Variants in PCDHA4 observed in about 807,000 individuals in gnomAD.
The protein encoded by PCDHA4 is protocadherin alpha-4.
In PCDHA4, 49 loss-of-function variants were observed where a neutral mutation model predicts 61.4. The ratio of observed to expected loss-of-function variants is 0.80; its 90% CI spans 0.63 to 1.01. The LOEUF (loss-of-function observed/expected upper bound fraction) is 1.01, where lower values mean the gene tolerates loss of function less well. Among genes scored for constraint, PCDHA4 ranks in the 50% least tolerant of loss-of-function variants. PCDHA4 has a pLI of 0.00. For missense variants in PCDHA4, 1,254 were observed against 1,235.8 expected (o/e 1.01, Z -0.22); for synonymous variants, 590 against 550.3 (o/e 1.07, Z -1.01).
intron 1 of PCDHA4, among the ~76,000 whole-genome samples, chr5:140,901,408 T>A (rs2068650771): frequency 6.6e-6 from 1 of 152,190 alleles, no homozygotes; most frequent in African/African-American, 2.4e-5. Flanking sequence ...GAGATAGGGG[T>A]CTAGTTTCAT....
chr5:140,885,485 T>C (rs2060611651), intron 1 of PCDHA4, among the ~76,000 whole-genome samples: 1 of 152,188 alleles, frequency 6.6e-6, no homozygotes, highest in Non-Finnish European at 1.5e-5. Context: ...GTGTCAAGTG[T>C]TCTGTTATCT....
chr5:140,850,784 TAAG>T, intron 1 of PCDHA4: 1 of 1,597,982 alleles, frequency 6.3e-7, no homozygotes, highest in Non-Finnish European at 8.6e-7. Flanking sequence ...CTGGCGAGGG[TAAG>T]CAGAAGACCG....
At chr5:140,841,121 A>G in intron 1 of PCDHA4, 1 of 638,688 alleles carries the variant, frequency 1.6e-6, no homozygotes, top group Non-Finnish European at 2.6e-6. Flanking sequence ...TCATGTAATC[A>G]TTACCTTTTG....
At chr5:140,871,344 G>T in intron 1 of PCDHA4, 1 of 1,614,200 alleles carries the variant, frequency 6.2e-7, no homozygotes, top group Non-Finnish European at 8.5e-7. Context: ...TGGGGAGCTG[G>T]TCATACTCGC....
chr5:141,006,948 A>G (rs1432589918), intron 3 of PCDHA4, among the ~76,000 whole-genome samples: 3 of 152,194 alleles, frequency 2.0e-5, no homozygotes, highest in African/African-American at 7.2e-5. Flanking sequence ...CCAGATAGGC[A>G]GTTATACATG....
intron 1 of PCDHA4, among the ~76,000 whole-genome samples, chr5:140,817,764 A>G (rs1022803136): frequency 6.6e-6 from 1 of 152,208 alleles, no homozygotes; most frequent in African/African-American, 2.4e-5. Context: ...GAAGAAATTA[A>G]CATTTCCTTT....
intron 1 of PCDHA4, chr5:140,927,429 C>T: frequency 6.2e-7 from 1 of 1,614,118 alleles, no homozygotes; most frequent in Non-Finnish European, 8.5e-7. Flanking sequence ...GGGTTGACGG[C>T]AGCGAATACC....
rs1554162489 is a variant in PCDHA4 at position 140,869,104 on chromosome 5, A to G, written c.2385+59532A>G. 2.5e-6 allele frequency: 4 copies of G among 1,601,646 alleles called. No individual in the cohort carries two copies. In the Admixed American group the frequency reaches 5.1e-5, roughly 21 times the overall value. On this transcript the variant is annotated intron_variant, in intron 1 of 3. Coordinates refer to ENST00000530339, the MANE Select transcript of PCDHA4 (RefSeq NM_018907.4). ...ATTTTGGAAGCCAATTTCGTATGCG[A>G]TGTTTGGTTTTCAGAGAAGGGGATT... is the stretch of plus-strand genomic sequence containing the variant.
intron 1 of PCDHA4, chr5:140,852,164 G>A (rs1176947336): frequency 2.4e-6 from 2 of 829,782 alleles, no homozygotes; most frequent in Non-Finnish European, 3.0e-6. Context: ...TGAGAATAGA[G>A]CCACAAAAAT....
intron 1 of PCDHA4, among the ~76,000 whole-genome samples, chr5:140,950,128 A>T (rs1488144119): frequency 6.6e-6 from 1 of 151,920 alleles, no homozygotes; most frequent in Non-Finnish European, 1.5e-5. Flanking sequence ...AACCCACAAG[A>T]CACAGTTATA....
intron 1 of PCDHA4, chr5:140,884,480 A>T (rs782532542): frequency 7.4e-6 from 12 of 1,613,662 alleles, no homozygotes; most frequent in Non-Finnish European, 9.3e-6. Flanking sequence ...GGGCAAGCCC[A>T]CTCTAGTGTG....
chr5:140,967,228 G>A (rs1316363900), intron 1 of PCDHA4: 3 of 1,613,652 alleles, frequency 1.9e-6, no homozygotes, highest in Non-Finnish European at 2.5e-6. Flanking sequence ...CCAACTACCA[G>A]CTTCAGGTAA....
intron 3 of PCDHA4, among the ~76,000 whole-genome samples, chr5:141,005,280 C>T (rs2098203817): frequency 6.6e-6 from 1 of 152,180 alleles, no homozygotes; most frequent in Non-Finnish European, 1.5e-5. Context: ...GGTGAATAAA[C>T]AGATACATTT....
intron 1 of PCDHA4, chr5:140,851,860 A>T (rs1213709274): frequency 2.1e-6 from 2 of 974,300 alleles, no homozygotes; most frequent in African/African-American, 3.5e-5. Context: ...CTCAGCTCAT[A>T]CATAACACAA....
At chr5:140,861,734 A>G in intron 1 of PCDHA4, 1 of 190,940 alleles carries the variant, frequency 5.2e-6, no homozygotes, top group Non-Finnish European at 1.1e-5. Flanking sequence ...GATGACTTAC[A>G]TACTGTGCCG....
intron 1 of PCDHA4, chr5:140,836,937 G>T: frequency 2.1e-6 from 1 of 469,842 alleles, no homozygotes; most frequent in Non-Finnish European, 3.6e-6. Context: ...TAATACTATA[G>T]ATCAAAATCT....
At chr5:140,951,170 A>G (rs62384503) in intron 1 of PCDHA4, among the ~76,000 whole-genome samples, 5,911 of 151,952 alleles carry the variant, frequency 0.039, 176 homozygotes, top group Non-Finnish European at 0.057. Flanking sequence ...TAGCTACTTT[A>G]AAGTCATTGT....
intron 1 of PCDHA4, among the ~76,000 whole-genome samples, chr5:140,919,231 CT>C (rs2079047316): frequency 6.6e-6 from 1 of 152,160 alleles, no homozygotes; most frequent in African/African-American, 2.4e-5. Context: ...TCTAGTAACA[CT>C]TTTTGTCTTG....
intron 1 of PCDHA4, chr5:140,849,776 G>T: frequency 6.3e-7 from 1 of 1,598,464 alleles, no homozygotes; most frequent in Non-Finnish European, 8.6e-7. Flanking sequence ...TGGTTACCGC[G>T]CGGGACGGGG....
Sources: gnomAD v4.1 joint callset for allele counts (sites outside exome capture counted in the v4.1 genomes callset) on GRCh38, gnomAD v4.1.1 for gene constraint, MANE v1.5 for transcripts, NCBI Gene and HGNC (gene_info 2026-07-23, HGNC 2026-07-21) for gene names.